The following UQCRB variants were observed in gnomAD, a reference collection of about 807,000 sequenced individuals.
The protein encoded by UQCRB is ubiquinol-cytochrome c reductase binding protein.
Under a neutral mutation model 19.8 loss-of-function variants are expected in UQCRB, and 12 were observed. That is an observed-to-expected ratio of 0.61 (90% CI 0.39 to 0.98). The LOEUF (loss-of-function observed/expected upper bound fraction) is 0.98. Ranked by LOEUF, UQCRB falls within the 50% of genes least tolerant of loss-of-function variation. The pLI is 0.00. For synonymous variants in UQCRB, 39 were observed against 42.9 expected (o/e 0.91, Z 0.35); for missense variants, 142 against 131.8 (o/e 1.08, Z -0.38).
rs1251475927 is a variant in UQCRB at position 96,227,318 on chromosome 8, TGAA to T, written c.*3734_*3736del. 1.1e-5 allele frequency: 5 copies of T among 453,956 alleles called. No individual in the cohort carries two copies. The highest frequency in any genetic ancestry group is 6.2e-5 in the South Asian group (4 of 64,472). 28.1% of individuals were successfully genotyped at this position (453,956 alleles called of 1,614,324 possible). Reference sequence around the variant, plus strand: ...TCTAAGGTGTTGTCATCCTGAAAAATGAAGGAGGGGAGGGAGTTGGTGGGGCGC... The same window carrying T: ...TCTAAGGTGTTGTCATCCTGAAAAATGGAGGGGAGGGAGTTGGTGGGGCGC... On this transcript the variant is annotated 3_prime_UTR_variant, in exon 4 of 4. Transcript: ENST00000287022.
In UQCRB at chr8:96,231,053, G is replaced by A. The variant is rs146554587; in HGVS notation, c.*2C>T. The A allele has an allele frequency of 2.1e-4, 342 of 1,612,644 alleles. No homozygotes were observed. Among genetic ancestry groups the A allele is most frequent in the Non-Finnish European group, 2.8e-4 (334 of 1,179,622 alleles). ...CTGCATCCACAGACTTCAACTACAT[G>A]ATTACTTCTTTGCCCATTCTTCTCT... On this transcript the variant is annotated 3_prime_UTR_variant, in exon 4 of 4. Transcript: ENST00000287022.
Position 96,229,797 on chromosome 8 carries a change from A to G in UQCRB, c.*1258T>C. ...AAAAAGCGGGGGAGGGGGTTCCTAG[A>G]GAATTTAAGAGGCTAATATTTTAGC... On this transcript the variant is annotated 3_prime_UTR_variant, in exon 4 of 4. Transcript: ENST00000287022. The G allele has an allele frequency of 2.2e-6, 1 of 453,818 alleles. No homozygotes were observed. Among genetic ancestry groups the G allele is most frequent in the Non-Finnish European group, 4.4e-6 (1 of 226,738 alleles). The allele number at this position is 453,818 out of a possible 1,614,324, so 28.1% of individuals were successfully genotyped here.
rs1170643318 is a variant in UQCRB, at chr8:96,228,146, A to G, written c.*2909T>C. On this transcript the variant is annotated 3_prime_UTR_variant, in exon 4 of 4. Coordinates refer to ENST00000287022, the MANE Select transcript of UQCRB (RefSeq NM_006294.5). Reference sequence around the variant, plus strand: ...ATAAGCCAGCCATCTGTTTTTTTGCAAAGTATAGTAAAACAAACAAACAGA... The same window carrying G: ...ATAAGCCAGCCATCTGTTTTTTTGCGAAGTATAGTAAAACAAACAAACAGA... The G allele has an allele frequency of 6.6e-6, 3 of 454,030 alleles. No homozygotes were observed. The highest frequency in any genetic ancestry group is 1.3e-5 in the Non-Finnish European group (3 of 226,808). 28.1% of individuals were successfully genotyped at this position (454,030 alleles called of 1,614,324 possible).
rs1809530033 is a variant in UQCRB, at chr8:96,226,591, T to G, written c.*4464A>C. On this transcript the variant is annotated 3_prime_UTR_variant, in exon 4 of 4. Coordinates refer to ENST00000287022, the MANE Select transcript of UQCRB (RefSeq NM_006294.5). ...AAACAAATAATTATCTTTTTTTGGT[T>G]TGGCTTGTGAATACAATTGTCACAG... is the stretch of plus-strand genomic sequence containing the variant. 1 of 234,172 alleles carries G rather than the reference T, an allele frequency of 4.3e-6. No homozygotes were observed. The highest frequency in any genetic ancestry group is 8.5e-6 in the Non-Finnish European group (1 of 117,212). The allele number at this position is 234,172 out of a possible 1,614,324, so 14.5% of individuals were successfully genotyped here. A position where few individuals can be genotyped will look rare whatever the true frequency, so the allele number is the denominator to read the frequency against.
rs1447000441 is a variant in UQCRB at position 96,226,048 on chromosome 8, C to G, written c.*5007G>C. On this transcript the variant is annotated 3_prime_UTR_variant, in exon 4 of 4. Transcript: ENST00000287022. The stretch of plus-strand genomic sequence containing the variant: ...CAGGATGCTGCTAAATATCCTGTAA[C>G]ACACAGAGGAGGCCCCCACAACAAA... 1 of 152,160 alleles carries G rather than the reference C, an allele frequency of 6.6e-6. No homozygotes were observed. The highest frequency in any genetic ancestry group is 1.5e-5 in the Non-Finnish European group (1 of 68,030). The allele number at this position is 152,160 out of a possible 1,614,324, so 9.4% of individuals were successfully genotyped here. A position where few individuals can be genotyped will look rare whatever the true frequency, so the allele number is the denominator to read the frequency against.
At position 96,223,753 on chromosome 8, in the gene UQCRB, A is replaced by C. The variant is rs369303887; in HGVS notation, c.*7302T>G. Reference sequence around the variant, plus strand: ...GAATGTGTTTGGGGAAGAGGGAGTTAAAACAGGAGGAAAGAGAACACAATG... The same window carrying C: ...GAATGTGTTTGGGGAAGAGGGAGTTCAAACAGGAGGAAAGAGAACACAATG... On this transcript the variant is annotated 3_prime_UTR_variant, in exon 4 of 4. Coordinates refer to ENST00000287022, the MANE Select transcript of UQCRB (RefSeq NM_006294.5). Among the ~76,000 whole-genome samples the C allele has an allele frequency of 3.3e-5, 5 of 152,372 alleles. No homozygotes were observed. The East Asian group carries it at 9.6e-4, about 29-fold the overall frequency.
intron 3 of UQCRB, 125 bp from the exon 4 acceptor site, chr8:96,231,257 T>C (rs756516499): frequency 1.3e-6 from 2 of 1,588,934 alleles, no homozygotes. Context: ...AAACATATTC[T>C]CAACCTAAGA....
rs57723045 is a variant in UQCRB at position 96,230,324 on chromosome 8, G to A, written c.*731C>T. On this transcript the variant is annotated 3_prime_UTR_variant, in exon 4 of 4. Coordinates refer to ENST00000287022, the MANE Select transcript of UQCRB (RefSeq NM_006294.5). ...ATTCCTGACTTCAGGTGACCCGCCC[G>A]CCTCGGCCTCCCAAAGTGCTGGGAT... is the stretch of plus-strand genomic sequence containing the variant. The A allele has an allele frequency of 2.7e-3, 1,127 of 418,690 alleles. 7 individuals carry two copies. The highest frequency in any genetic ancestry group is 0.021 in the African/African-American group (1,042 of 48,486). The allele number at this position is 418,690 out of a possible 1,614,324, so 25.9% of individuals were successfully genotyped here.
In UQCRB at chr8:96,223,428, A is replaced by T. The variant is rs1809478407; in HGVS notation, c.*7627T>A. Among the ~76,000 whole-genome samples the T allele has an allele frequency of 2.0e-5, 3 of 152,240 alleles. No individual in the cohort carries two copies. Among genetic ancestry groups the T allele is most frequent in the Non-Finnish European group, 4.4e-5 (3 of 68,032 alleles). ...CTATGAAAAGAGGATAATTGTGCTC[A>T]CCTTGGAAAAATTTTCAAGGAATAA... On this transcript the variant is annotated 3_prime_UTR_variant, in exon 4 of 4. Coordinates refer to ENST00000287022, the MANE Select transcript of UQCRB (RefSeq NM_006294.5).
At chr8:96,232,347 G>C in intron 2 of UQCRB, 1 of 205,718 alleles carries the variant, frequency 4.9e-6, no homozygotes, top group Non-Finnish European at 1.0e-5. Context: ...AGGTATTAAA[G>C]AATCTTAAAA....
Position 96,227,103 on chromosome 8 carries a change from G to A in UQCRB, c.*3952C>T. 1 of 453,264 alleles carries A rather than the reference G, an allele frequency of 2.2e-6. No individual in the cohort carries two copies. Among genetic ancestry groups the A allele is most frequent in the South Asian group, 1.6e-5 (1 of 64,184 alleles). The allele number at this position is 453,264 out of a possible 1,614,324, so 28.1% of individuals were successfully genotyped here. On this transcript the variant is annotated 3_prime_UTR_variant, in exon 4 of 4. Coordinates refer to ENST00000287022, the MANE Select transcript of UQCRB (RefSeq NM_006294.5). ...TTTTAACATCTATAGACTTTATTAG[G>A]TGTTCCTTATACAGTCATCTGGTAT...
rs1462325289 is a variant in UQCRB at position 96,228,197 on chromosome 8, A to C, written c.*2858T>G. 4.4e-6 allele frequency: 2 copies of C among 454,030 alleles called. No individual in the cohort carries two copies. The highest frequency in any genetic ancestry group is 1.4e-4 in the East Asian group (2 of 14,410). 28.1% of individuals were successfully genotyped at this position (454,030 alleles called of 1,614,324 possible). A position where few individuals can be genotyped will look rare whatever the true frequency, so the allele number is the denominator to read the frequency against. Reference sequence around the variant, plus strand: ...ACATAGACCACTTCAGAGTAAACAAACATAACTTTCTTCAAGATGTAGGAA... The same window carrying C: ...ACATAGACCACTTCAGAGTAAACAACCATAACTTTCTTCAAGATGTAGGAA... On this transcript the variant is annotated 3_prime_UTR_variant, in exon 4 of 4. Coordinates refer to ENST00000287022, the MANE Select transcript of UQCRB (RefSeq NM_006294.5).
At position 96,231,138 on chromosome 8, in the gene UQCRB, G is replaced by T; in HGVS notation, c.259-6C>A. 1 of 1,613,986 alleles carries T rather than the reference G, an allele frequency of 6.2e-7. No individual in the cohort carries two copies. The highest frequency in any genetic ancestry group is 8.5e-7 in the Non-Finnish European group (1 of 1,179,944). On this transcript the variant is annotated splice_region_variant and splice_polypyrimidine_tract_variant and intron_variant, in intron 3 of 3. Coordinates refer to ENST00000287022, the MANE Select transcript of UQCRB (RefSeq NM_006294.5). ...GGTTCAAGGTAGAAATTTTCCTAAA[G>T]AATGAATGAAATATTATATGTTACC...
chr8:96,225,299 T>C lies in UQCRB; in HGVS notation c.*5756A>G, dbSNP rs551025191. 6.6e-6 allele frequency among the ~76,000 whole-genome samples: 1 copy of C among 152,334 alleles called. No individual in the cohort carries two copies. Among genetic ancestry groups the C allele is most frequent in the South Asian group, 2.1e-4 (1 of 4,824 alleles). ...CCAACCAAATTCACAAAGATTGCTT[T>C]TAATGAGAGCACTCAGTGCAGGCAG... On this transcript the variant is annotated 3_prime_UTR_variant, in exon 4 of 4. Transcript: ENST00000287022.
intron 1 of UQCRB, chr8:96,233,821 A>G (rs1809733141): frequency 6.5e-6 from 1 of 152,678 alleles, no homozygotes; most frequent in African/African-American, 2.4e-5. Context: ...TATTTTGGGG[A>G]GGATTTTGAT....
rs1378128987 is a variant in UQCRB at position 96,230,735 on chromosome 8, A to G, written c.*320T>C. ...CCCCTTCTTTTATTCAGTAGCTTCC[A>G]TAAGGATGTAACTTACGGAAGTTAT... On this transcript the variant is annotated 3_prime_UTR_variant, in exon 4 of 4. Transcript: ENST00000287022. 3.9e-6 allele frequency: 2 copies of G among 511,206 alleles called. No individual in the cohort carries two copies. Among genetic ancestry groups the G allele is most frequent in the South Asian group, 1.5e-5 (1 of 65,016 alleles). The allele number at this position is 511,206 out of a possible 1,614,324, so 31.7% of individuals were successfully genotyped here. A position where few individuals can be genotyped will look rare whatever the true frequency, so the allele number is the denominator to read the frequency against.
At chr8:96,232,547 TAA>T (rs1809700650) in intron 2 of UQCRB, 1 of 154,352 alleles carries the variant, frequency 6.5e-6, no homozygotes, top group Non-Finnish European at 1.4e-5. Context: ...ATTAAAATTT[TAA>T]GTGGAAGGCC....
At chr8:96,233,259 T>C (rs767787236) in intron 1 of UQCRB, 32 bp from the exon 2 acceptor site, 6 of 1,604,744 alleles carry the variant, frequency 3.7e-6, no homozygotes, top group Admixed American at 1.7e-5. Flanking sequence ...ATTGCTACAA[T>C]TTAATTATAC....
At chr8:96,231,177 A>G in intron 3 of UQCRB, 45 bp from the exon 4 acceptor site, 1 of 1,614,172 alleles carries the variant, frequency 6.2e-7, no homozygotes, top group African/African-American at 1.3e-5. Context: ...ACGTACTGAT[A>G]TATCCCAAAC....
Sources: allele counts gnomAD v4.1 joint callset (sites outside exome capture counted in the v4.1 genomes callset), GRCh38; gene constraint gnomAD v4.1.1; transcripts MANE v1.5; gene names NCBI Gene and HGNC (gene_info 2026-07-23, HGNC 2026-07-21).